The following SLC25A46 variants were observed in gnomAD, a reference collection of about 807,000 sequenced individuals.
The protein encoded by SLC25A46 is solute carrier family 25 member 46.
SLC25A46 carries 39 observed loss-of-function variants against 44.6 expected under a neutral mutation model. That is an observed-to-expected ratio of 0.87 (90% confidence interval 0.68 to 1.14). The LOEUF is 1.14. Among genes scored for constraint, SLC25A46 ranks in the 50% most tolerant of loss-of-function variants. The pLI is 0.00. For missense variants in SLC25A46, 547 were observed against 522.7 expected (o/e 1.05, Z -0.45); for synonymous variants, 202 against 185.8 (o/e 1.09, Z -0.71).
In SLC25A46 at chr5:110,755,378, T is replaced by C. The variant is rs373777469; in HGVS notation, c.564-87T>C. ...CCTACAGATTGAAAAAAATTAGAAG[T>C]TGATTACTGTTTTGAAAATTGGGCT... On this transcript the variant is annotated intron_variant, in intron 5 of 7. Coordinates refer to ENST00000355943, the MANE Select transcript of SLC25A46 (RefSeq NM_138773.4). The C allele has an allele frequency of 3.9e-5, 30 of 773,696 alleles. 3 individuals are homozygous for C. The highest frequency in any genetic ancestry group is 2.1e-4 in the East Asian group (8 of 37,770). The allele number at this position is 773,696 out of a possible 1,614,324, so 47.9% of individuals were successfully genotyped here. A position where few individuals can be genotyped will look rare whatever the true frequency, so the allele number is the denominator to read the frequency against.
At chr5:110,745,927 G>A (rs1190027869) in intron 3 of SLC25A46, 1 of 170,126 alleles carries the variant, frequency 5.9e-6, no homozygotes, top group Non-Finnish European at 1.2e-5. Context: ...CAGTTGCCAA[G>A]TACAGTTTGA....
At chr5:110,760,425 C>T (rs559137186) in intron 7 of SLC25A46, among the ~76,000 whole-genome samples, 31 of 152,110 alleles carry the variant, frequency 2.0e-4, no homozygotes, top group African/African-American at 7.2e-4. Context: ...ATGTCATGTC[C>T]GTCTTCTGCT....
chr5:110,739,366 A>T lies in SLC25A46; in HGVS notation c.247A>T (p.Ser83Cys). Residue 83 changes from serine to cysteine, a missense_variant, in exon 1 of 8, where the codon AGT (serine) becomes TGT (cysteine). Transcript: ENST00000355943. ...AGGCCCCACGGAGGAACCCTTTTCC[A>T]GTGGCGGCGGCGGCAGTGTGCAGGG... Reference protein sequence around the residue: ...YEGPTEEPFSSGGGGSVQGQS... With the variant: ...YEGPTEEPFSCGGGGSVQGQS... 6.4e-7 allele frequency: 1 copy of T among 1,554,996 alleles called. No homozygotes were observed. The highest frequency in any genetic ancestry group is 1.9e-5 in the Admixed American group (1 of 52,210).
intron 7 of SLC25A46, among the ~76,000 whole-genome samples, chr5:110,757,637 A>C (rs538311709): frequency 1.3e-5 from 2 of 152,212 alleles, no homozygotes; most frequent in Admixed American, 6.5e-5. Flanking sequence ...CAGTTAACTG[A>C]AGTTAGTGTC....
chr5:110,760,667 G>A (rs890864980), intron 7 of SLC25A46, among the ~76,000 whole-genome samples: 2 of 152,090 alleles, frequency 1.3e-5, no homozygotes, highest in Admixed American at 6.6e-5. Flanking sequence ...AGACATTGCA[G>A]GTGGTAATAA....
Position 110,739,015 on chromosome 5 carries a change from C to G in SLC25A46, c.-105C>G. 1 of 1,483,348 alleles carries G rather than the reference C, an allele frequency of 6.7e-7. No homozygotes were observed. Among genetic ancestry groups the G allele is most frequent in the Non-Finnish European group, 8.9e-7 (1 of 1,125,876 alleles). The allele number at this position is 1,483,348 out of a possible 1,614,324, so 91.9% of individuals were successfully genotyped here. ...CGTGACTTCCGGTTGTCAGAATTTA[C>G]CCCTGACGCGGCGGCGGCCGACGGG... On this transcript the variant is annotated 5_prime_UTR_variant, in exon 1 of 8. Transcript: ENST00000355943.
upstream of SLC25A46, chr5:110,738,203 G>T (rs1289941902): frequency 4.7e-6 from 6 of 1,286,218 alleles, no homozygotes; most frequent in Non-Finnish European, 6.1e-6. Flanking sequence ...CCTCAGATCT[G>T]GGGAGGGAGC....
intron 5 of SLC25A46, chr5:110,753,711 A>G (rs974932189): frequency 1.3e-5 from 2 of 152,098 alleles, no homozygotes; most frequent in Non-Finnish European, 2.9e-5. Context: ...TTTTTTAAAT[A>G]CTTGGTTTTA....
At chr5:110,738,209 G>C (rs1799408977), upstream of SLC25A46, 1 of 1,286,482 alleles carries the variant, frequency 7.8e-7, no homozygotes, top group Admixed American at 2.3e-5. Flanking sequence ...ATCTGGGGAG[G>C]GAGCCTGGCC....
chr5:110,743,757 T>C lies in SLC25A46; in HGVS notation c.354T>C (p.His118=), dbSNP rs748251446. Reference sequence around the variant, plus strand: ...TCTTTACAGAAAATGTATTGGCACATCCTTGCATTGTTCTACGCCGCCAAT... The same window carrying C: ...TCTTTACAGAAAATGTATTGGCACACCCTTGCATTGTTCTACGCCGCCAAT... The part of the protein sequence containing the change: ...ASLFTENVLA[H]PCIVLRRQCQ... Residue 118 remains histidine (H), a synonymous_variant, in exon 3 of 8, where the codon CAT becomes CAC. Transcript: ENST00000355943. 2.9e-5 allele frequency: 47 copies of C among 1,606,662 alleles called. No individual in the cohort carries two copies. The highest frequency in any genetic ancestry group is 3.9e-5 in the Non-Finnish European group (46 of 1,175,322).
intron 6 of SLC25A46, 91 bp from the exon 7 acceptor site, chr5:110,756,611 A>T (rs1349139537): frequency 2.5e-6 from 2 of 795,412 alleles, no homozygotes; most frequent in Non-Finnish European, 4.0e-6. Context: ...GCTTGACTAT[A>T]AATTATGTTG....
intron 2 of SLC25A46, among the ~76,000 whole-genome samples, chr5:110,743,153 T>C (rs1192250617): frequency 6.6e-6 from 1 of 152,062 alleles, no homozygotes. Context: ...AACCCACAGC[T>C]GTAATTGTTT....
chr5:110,761,669 G>C lies in SLC25A46; in HGVS notation c.1144G>C (p.Val382Leu), dbSNP rs765716605. ...CAATACCATAAGGCAGGAGGAAGGA[G>C]TGTTTGGTTTTTATAAAGGGTTTGG... is the stretch of plus-strand genomic sequence containing the variant. ...CINTIRQEEGVFGFYKGFGAV... is the reference protein window; with the variant it reads ...CINTIRQEEGLFGFYKGFGAV... Residue 382 changes from valine to leucine, a missense_variant, in exon 8 of 8, where the codon GTG becomes CTG. Transcript: ENST00000355943. This position sits in a 1 kb window ranked among gnomAD's most constrained non-coding sequence, Gnocchi z 5.3. The C allele has an allele frequency of 6.2e-7, 1 of 1,613,606 alleles. No homozygotes were observed. The highest frequency in any genetic ancestry group is 8.5e-7 in the Non-Finnish European group (1 of 1,179,700).
At chr5:110,748,354 A>AT in intron 5 of SLC25A46, 91 bp downstream of exon 5, 1 of 946,470 alleles carries the variant, frequency 1.1e-6, no homozygotes, top group Non-Finnish European at 1.7e-6. Flanking sequence ...TTACATGGGT[A>AT]TATTGTGTGA....
upstream of SLC25A46, chr5:110,738,167 A>AC: frequency 2.4e-6 from 3 of 1,236,836 alleles, no homozygotes; most frequent in South Asian, 3.9e-5. Context: ...AGTTGAAGGA[A>AC]CATAGGATGA....
chr5:110,738,609 A>C (rs952560370), upstream of SLC25A46: 2 of 194,814 alleles, frequency 1.0e-5, no homozygotes, highest in African/African-American at 4.8e-5. Context: ...TTAACCCTCC[A>C]CAACTCCAAC....
rs758693452 is a variant in SLC25A46 at position 110,761,694 on chromosome 5, G to A, written c.1169G>A (p.Gly390Asp). The stretch of plus-strand genomic sequence containing the variant: ...GTGTTTGGTTTTTATAAAGGGTTTG[G>A]TGCTGTTATAATACAGTACACACTG... ...EGVFGFYKGF[G>D]AVIIQYTLHA... The change falls in exon 8 of 8, where the codon GGT becomes GAT. Residue 390 changes from glycine to aspartate, a missense_variant. Physicochemically the swap from Gly to Asp is moderately conservative, Grantham distance 94 (BLOSUM62 -1). Transcript: ENST00000355943. This position sits in a 1 kb window ranked among gnomAD's most constrained non-coding sequence, Gnocchi z 5.3. The A allele has an allele frequency of 6.2e-7, 1 of 1,613,404 alleles. No individual in the cohort carries two copies. The highest frequency in any genetic ancestry group is 2.2e-5 in the East Asian group (1 of 44,846).
chr5:110,747,684 GA>G, intron 4 of SLC25A46, among the ~76,000 whole-genome samples: 1 of 152,214 alleles, frequency 6.6e-6, no homozygotes, highest in South Asian at 2.1e-4. Context: ...GATACTAAGG[GA>G]GTAGAATTTG....
intron 6 of SLC25A46, among the ~76,000 whole-genome samples, chr5:110,756,375 A>C (rs1327363867): frequency 6.6e-6 from 1 of 152,134 alleles, no homozygotes; most frequent in Non-Finnish European, 1.5e-5. Flanking sequence ...CTAAAAAGGC[A>C]AACTATGGAA....
Sources: gnomAD v4.1 joint callset for allele counts (sites outside exome capture counted in the v4.1 genomes callset) on GRCh38, gnomAD v4.1.1 for gene constraint, Gnocchi (gnomAD v3.1) non-coding constraint, MANE v1.5 for transcripts, NCBI Gene and HGNC (gene_info 2026-07-23, HGNC 2026-07-21) for gene names.